Variants in NIBAN2 observed in about 807,000 individuals in gnomAD.
NIBAN2 encodes protein Niban 2.
In NIBAN2, 36 loss-of-function variants were observed where a neutral mutation model predicts 81.8. The observed-to-expected ratio is 0.44, with a 90% CI of 0.34 to 0.58. The LOEUF (loss-of-function observed/expected upper bound fraction) is 0.58, where lower values mean the gene tolerates loss of function less well. Among genes scored for constraint, NIBAN2 ranks in the 20% least tolerant of loss-of-function variants. NIBAN2 has a pLI of 0.02. For synonymous variants in NIBAN2, 445 were observed against 441.6 expected (o/e 1.01, Z -0.10); for missense variants, 897 against 1,014.1 (o/e 0.88, Z 1.57).
chr9:127,538,229 A>G (rs1344351876), intron 1 of NIBAN2, among the ~76,000 whole-genome samples: 1 of 152,140 alleles, frequency 6.6e-6, no homozygotes, highest in Admixed American at 6.5e-5. Context: ...CTATCGGGTT[A>G]TTGAGGGTGA....
At chr9:127,523,169 TAAAAAA>T (rs1159040869) in intron 5 of NIBAN2, among the ~76,000 whole-genome samples, 19 of 11,322 alleles carry the variant, frequency 1.7e-3, no homozygotes, top group African/African-American at 9.8e-3. Flanking sequence ...TTGGTGGTTT[TAAAAAA>T]AAAAAAAAAA....
Position 127,549,954 on chromosome 9 carries a change from C to T in NIBAN2, c.56-18176G>A, listed in dbSNP as rs540335687. Reference sequence around the variant, plus strand: ...TCCCACTCTCTGTCCCAGGTGCCTGCGTGACCCCATTTGTGCGCCCTGAGA... The same window carrying T: ...TCCCACTCTCTGTCCCAGGTGCCTGTGTGACCCCATTTGTGCGCCCTGAGA... On this transcript the variant is annotated intron_variant, in intron 1 of 13. Transcript: ENST00000373312. Among the ~76,000 whole-genome samples, 24 of 152,242 alleles carry T rather than the reference C, an allele frequency of 1.6e-4. 1 individual carries two copies. Among genetic ancestry groups the T allele is most frequent in the Admixed American group, 1.0e-3 (16 of 15,300 alleles).
chr9:127,540,166 A>G (rs1443879656), intron 1 of NIBAN2, among the ~76,000 whole-genome samples: 1 of 152,146 alleles, frequency 6.6e-6, no homozygotes, highest in Non-Finnish European at 1.5e-5. Context: ...CGGAACGTTA[A>G]TTAATCTCTG....
At chr9:127,565,821 G>A (rs1052781909) in intron 1 of NIBAN2, among the ~76,000 whole-genome samples, 4 of 150,318 alleles carry the variant, frequency 2.7e-5, no homozygotes, top group Non-Finnish European at 5.9e-5. Flanking sequence ...GTTCATGGGC[G>A]GGAAGTTCAC....
In NIBAN2 at chr9:127,508,077, G is replaced by C. The variant is rs550545019; in HGVS notation, c.1542+16C>G. 1 of 1,612,934 alleles carries C rather than the reference G, an allele frequency of 6.2e-7. No individual in the cohort carries two copies. The highest frequency in any genetic ancestry group is 1.7e-5 in the Admixed American group (1 of 60,034). On this transcript the variant is annotated intron_variant, in intron 12 of 13. Transcript: ENST00000373312. This position sits in a 1 kb window ranked among gnomAD's most constrained non-coding sequence, Gnocchi z 6.4. The stretch of plus-strand genomic sequence containing the variant: ...ACTTAGGGCCCAAACGGCTGGAGCA[G>C]GTGGGGGCTGCTCACCGACTTGCAG...
At chr9:127,515,181 C>T (rs1055144553) in intron 8 of NIBAN2, among the ~76,000 whole-genome samples, 4 of 151,808 alleles carry the variant, frequency 2.6e-5, no homozygotes, top group Non-Finnish European at 4.4e-5. Context: ...ATGATTGTAC[C>T]ACTGCTCTCT....
chr9:127,554,548 C>CTTTCTTT (rs1837632346), intron 1 of NIBAN2, among the ~76,000 whole-genome samples: 7 of 103,702 alleles, frequency 6.8e-5, no homozygotes, highest in Middle Eastern at 9.1e-3. Flanking sequence ...TTTTCTTTTT[C>CTTTCTTT]TTTTTTTTTT....
At position 127,509,151 on chromosome 9, in the gene NIBAN2, G is replaced by A. The variant is rs200644564; in HGVS notation, c.1162-20C>T. On this transcript the variant is annotated intron_variant, in intron 9 of 13. Coordinates refer to ENST00000373312, the MANE Select transcript of NIBAN2 (RefSeq NM_022833.4). The stretch of plus-strand genomic sequence containing the variant: ...CATGTACTGCAGGGGCCGGGGCCGC[G>A]GGGGCTGAGCAGGGCCGCCCTGTGG... 1.0e-4 allele frequency: 161 copies of A among 1,599,350 alleles called. 1 individual carries two copies. The South Asian group carries it at 1.1e-3, about 11-fold the overall frequency.
intron 1 of NIBAN2, among the ~76,000 whole-genome samples, chr9:127,533,362 C>A (rs1837219386): frequency 6.6e-6 from 1 of 152,168 alleles, no homozygotes; most frequent in Non-Finnish European, 1.5e-5. Context: ...GAGGCTGAGG[C>A]AGGAGAATGG....
Position 127,531,697 on chromosome 9 carries a change from T to C in NIBAN2, c.137A>G (p.His46Arg). The change falls in exon 2 of 14, where the codon CAT becomes CGT. Residue 46 changes from histidine (H) to arginine (R), a missense_variant. Physicochemically the swap from His to Arg is conservative, Grantham distance 29 (BLOSUM62 0). Around this residue, in one of 3 missense-constraint regions of NIBAN2, gnomAD observed 209 missense variants for 208.4 expected, o/e 1.00. Transcript: ENST00000373312. ...YGVALFNSMRHEIEGTGLPQA... is the reference protein window; with the variant it reads ...YGVALFNSMRREIEGTGLPQA... ...CGGCAGCCCCGTGCCCTCAATCTCA[T>C]GGCGCATGCTGTTGAAGAGAGCCAC... is the stretch of plus-strand genomic sequence containing the variant. The C allele has an allele frequency of 1.2e-6, 2 of 1,614,130 alleles. No individual in the cohort carries two copies. Among genetic ancestry groups the C allele is most frequent in the South Asian group, 1.1e-5 (1 of 91,088 alleles).
At chr9:127,558,099 G>A (rs992843153) in intron 1 of NIBAN2, among the ~76,000 whole-genome samples, 2 of 152,148 alleles carry the variant, frequency 1.3e-5, no homozygotes, top group Non-Finnish European at 2.9e-5. Flanking sequence ...GGGGGTGGGA[G>A]GGGAGTGTGG....
intron 1 of NIBAN2, among the ~76,000 whole-genome samples, chr9:127,557,704 C>T (rs1346249869): frequency 1.3e-5 from 2 of 152,258 alleles, no homozygotes; most frequent in Admixed American, 1.3e-4. Flanking sequence ...ACCAGGCCGG[C>T]TCTCAGGTCA....
rs370418205 is a variant in NIBAN2 at position 127,527,191 on chromosome 9, C to T, written c.315+3G>A. On this transcript the variant is annotated splice_donor_region_variant and intron_variant, in intron 3 of 13. Coordinates refer to ENST00000373312, the MANE Select transcript of NIBAN2 (RefSeq NM_022833.4). ...CAGTGTGGCGCCCGGGGCCAGGCCT[C>T]ACCGCTTTGTTTTCGTAGAGCACCA... 3.1e-6 allele frequency: 5 copies of T among 1,612,880 alleles called. No homozygotes were observed. In the African/African-American group the frequency reaches 6.7e-5, roughly 22 times the overall value.
intron 1 of NIBAN2, among the ~76,000 whole-genome samples, chr9:127,541,856 G>A (rs1430558581): frequency 2.6e-5 from 4 of 152,060 alleles, no homozygotes; most frequent in Non-Finnish European, 5.9e-5. Flanking sequence ...CCCCTTCTGG[G>A]CCTGAGAGAA....
At chr9:127,552,684 GTTTTT>G (rs919155330) in intron 1 of NIBAN2, among the ~76,000 whole-genome samples, 3 of 97,972 alleles carry the variant, frequency 3.1e-5, no homozygotes, top group African/African-American at 3.9e-5. Context: ...TGGAATATTC[GTTTTT>G]TTTTTTTTTT....
chr9:127,568,093 G>C (rs183685645), intron 1 of NIBAN2, among the ~76,000 whole-genome samples: 21 of 152,338 alleles, frequency 1.4e-4, no homozygotes, highest in African/African-American at 4.3e-4. Context: ...CTGTCCCTGG[G>C]AGAAGTGGCC....
At chr9:127,518,973 G>A (rs1836883917) in intron 5 of NIBAN2, among the ~76,000 whole-genome samples, 1 of 152,050 alleles carries the variant, frequency 6.6e-6, no homozygotes, top group African/African-American at 2.4e-5. Flanking sequence ...TCAGGAGTTC[G>A]AGACCAGTCT....
intron 1 of NIBAN2, among the ~76,000 whole-genome samples, chr9:127,574,616 TC>T (rs1036619729): frequency 6.6e-5 from 10 of 151,608 alleles, no homozygotes; most frequent in Non-Finnish European, 1.3e-4. Context: ...TGGCACGGAG[TC>T]CCAGCTCTGC....
rs758848648 is a variant in NIBAN2 at position 127,536,911 on chromosome 9, T to C, written c.56-5133A>G. Among the ~76,000 whole-genome samples the C allele has an allele frequency of 6.6e-6, 1 of 152,210 alleles. No individual in the cohort carries two copies. Among genetic ancestry groups the C allele is most frequent in the Non-Finnish European group, 1.5e-5 (1 of 68,020 alleles). ...AGAGGCAGGGCTGGCCCGCAGGTCCTGGGCCCAGGAACTGGGGGGCTCCAG... is the reference window on the plus strand; with the variant it reads ...AGAGGCAGGGCTGGCCCGCAGGTCCCGGGCCCAGGAACTGGGGGGCTCCAG... On this transcript the variant is annotated intron_variant, in intron 1 of 13. Coordinates refer to ENST00000373312, the MANE Select transcript of NIBAN2 (RefSeq NM_022833.4). This position sits in a 1 kb window ranked among gnomAD's most constrained non-coding sequence, Gnocchi z 4.0.
Sources: allele counts gnomAD v4.1 joint callset (sites outside exome capture counted in the v4.1 genomes callset), GRCh38; gene constraint gnomAD v4.1.1; regional missense constraint gnomAD v4.1.1; non-coding constraint Gnocchi (gnomAD v3.1); transcripts MANE v1.5; gene names NCBI Gene and HGNC (gene_info 2026-07-23, HGNC 2026-07-21).